NRXN1: variants seen among roughly 807,000 people sequenced by gnomAD.
NRXN1 encodes the protein neurexin 1.
Under a neutral mutation model 150.9 loss-of-function variants are expected in NRXN1, and 39 were observed. The ratio of observed to expected loss-of-function variants is 0.26; its 90% CI spans 0.20 to 0.34. NRXN1 has a LOEUF of 0.34. Ranked by LOEUF, NRXN1 falls within the 10% of genes least tolerant of loss-of-function variation. NRXN1 has a pLI of 1.00. For synonymous variants in NRXN1, 924 were observed against 757.0 expected (o/e 1.22, Z -3.62); for missense variants, 1,815 against 1,949.9 (o/e 0.93, Z 1.30).
intron 17 of NRXN1, among the ~76,000 whole-genome samples, chr2:50,330,759 ATTACCTAT>A (rs1351392538): frequency 6.6e-6 from 1 of 152,218 alleles, no homozygotes; most frequent in East Asian, 1.9e-4. Context: ...TGCCATAGGA[ATTACCTAT>A]TTAAACTTCT....
intron 22 of NRXN1, among the ~76,000 whole-genome samples, chr2:49,932,600 C>A (rs1670329717): frequency 6.6e-6 from 1 of 152,024 alleles, no homozygotes; most frequent in Non-Finnish European, 1.5e-5. Context: ...GGTAAACTTA[C>A]TTAACTAAGT....
rs1476699556 is a variant in NRXN1, at chr2:50,851,425, A to AT, written c.832+70443dup. 5.9e-5 allele frequency among the ~76,000 whole-genome samples: 9 copies of AT among 152,164 alleles called. No homozygotes were observed. The South Asian group carries it at 1.5e-3, about 25-fold the overall frequency. On this transcript the variant is annotated intron_variant, in intron 5 of 22. Transcript: ENST00000401669. ...TTTTCATAATTTCTATTGCTTTACT[A>AT]TTTTTTTAACCCCTGGAGTAAGTGG...
intron 5 of NRXN1, among the ~76,000 whole-genome samples, chr2:50,816,382 G>C (rs1343510182): frequency 6.6e-6 from 1 of 151,976 alleles, no homozygotes; most frequent in African/African-American, 2.4e-5. Flanking sequence ...GAGAGAATAG[G>C]AATGTTCAAT....
chr2:50,735,660 T>A (rs923255579), intron 5 of NRXN1, among the ~76,000 whole-genome samples: 1 of 152,148 alleles, frequency 6.6e-6, no homozygotes, highest in Non-Finnish European at 1.5e-5. Context: ...ATAACTCTCT[T>A]TATCTCAGCT....
intron 21 of NRXN1, among the ~76,000 whole-genome samples, chr2:50,011,111 G>A (rs1302795987): frequency 1.3e-5 from 2 of 152,132 alleles, no homozygotes; most frequent in Admixed American, 1.3e-4. Context: ...ACAGTATCCA[G>A]ATAAGTTCGG....
chr2:50,005,407 C>T (rs553502248), intron 21 of NRXN1, among the ~76,000 whole-genome samples: 1 of 152,216 alleles, frequency 6.6e-6, no homozygotes, highest in East Asian at 1.9e-4. Context: ...TCTAAAATGG[C>T]TTTAAATCAT....
chr2:50,276,369 G>A (rs1457459946), intron 17 of NRXN1, among the ~76,000 whole-genome samples: 1 of 152,118 alleles, frequency 6.6e-6, no homozygotes, highest in Non-Finnish European at 1.5e-5. Context: ...TTATATAACG[G>A]GAAGAACATT....
At chr2:50,407,958 A>G (rs2082873747) in intron 17 of NRXN1, among the ~76,000 whole-genome samples, 1 of 152,168 alleles carries the variant, frequency 6.6e-6, no homozygotes, top group African/African-American at 2.4e-5. Flanking sequence ...CTATTTTAAC[A>G]TCTGTTGTAT....
intron 17 of NRXN1, among the ~76,000 whole-genome samples, chr2:50,397,877 C>G (rs2082146233): frequency 1.3e-5 from 2 of 152,218 alleles, no homozygotes; most frequent in South Asian, 2.1e-4. Context: ...AAGTCACATT[C>G]TAATGGCAAT....
intron 22 of NRXN1, among the ~76,000 whole-genome samples, chr2:49,928,637 A>C (rs2104134338): frequency 6.6e-6 from 1 of 152,316 alleles, no homozygotes; most frequent in African/African-American, 2.4e-5. Flanking sequence ...AAAACAACTC[A>C]AAGTTTATTA....
intron 18 of NRXN1, among the ~76,000 whole-genome samples, chr2:50,156,115 G>T (rs1030413543): frequency 6.6e-6 from 1 of 151,530 alleles, no homozygotes; most frequent in Non-Finnish European, 1.5e-5. Flanking sequence ...ATTCTATAAA[G>T]TTCCTACAAT....
At chr2:50,783,559 G>A (rs749904380) in intron 5 of NRXN1, among the ~76,000 whole-genome samples, 8 of 152,100 alleles carry the variant, frequency 5.3e-5, no homozygotes, top group Non-Finnish European at 1.2e-4. Flanking sequence ...CACAGGCACA[G>A]TCATAAATCT....
chr2:50,093,011 TCA>T (rs1361272861), intron 18 of NRXN1, among the ~76,000 whole-genome samples: 5 of 150,244 alleles, frequency 3.3e-5, no homozygotes, highest in Non-Finnish European at 7.5e-5. Context: ...TAGAGTTATA[TCA>T]CATGTGTTAA....
At chr2:50,594,446 G>C (rs939456862) in intron 8 of NRXN1, among the ~76,000 whole-genome samples, 4 of 152,082 alleles carry the variant, frequency 2.6e-5, no homozygotes, top group Admixed American at 6.6e-5. Flanking sequence ...ACCTGTAGGC[G>C]TAAGTATGGG....
At chr2:50,844,246 A>C (rs147324149) in intron 5 of NRXN1, among the ~76,000 whole-genome samples, 1 of 152,194 alleles carries the variant, frequency 6.6e-6, no homozygotes, top group African/African-American at 2.4e-5. Flanking sequence ...CTATGGCGTT[A>C]CAATCTTCCC....
At chr2:49,937,582 G>A (rs890097609) in intron 22 of NRXN1, among the ~76,000 whole-genome samples, 3 of 152,152 alleles carry the variant, frequency 2.0e-5, no homozygotes, top group African/African-American at 4.8e-5. Context: ...CTGAAACCCA[G>A]CTAGCACATC....
At chr2:50,746,114 C>T (rs557158805) in intron 5 of NRXN1, among the ~76,000 whole-genome samples, 33 of 152,202 alleles carry the variant, frequency 2.2e-4, no homozygotes, top group African/African-American at 7.9e-4. Context: ...ATTTCTGAAT[C>T]AGTTTTGCCG....
intron 18 of NRXN1, among the ~76,000 whole-genome samples, chr2:50,160,536 C>T (rs1029473347): frequency 2.7e-5 from 4 of 150,708 alleles, no homozygotes; most frequent in Middle Eastern, 3.4e-3. Context: ...AGCGAAATTT[C>T]GTCTCCAAAA....
At chr2:50,888,929 A>G (rs1234892777) in intron 5 of NRXN1, among the ~76,000 whole-genome samples, 2 of 151,668 alleles carry the variant, frequency 1.3e-5, no homozygotes, top group Non-Finnish European at 3.0e-5. Flanking sequence ...TTTTCTTATG[A>G]TTGTCACAGC....
Sources: gnomAD v4.1 joint callset for allele counts (sites outside exome capture counted in the v4.1 genomes callset) on GRCh38, gnomAD v4.1.1 for gene constraint, MANE v1.5 for transcripts, NCBI Gene and HGNC (gene_info 2026-07-23, HGNC 2026-07-21) for gene names.